Variants in NUMB observed in about 807,000 individuals in gnomAD.
NUMB encodes the protein protein numb homolog.
NUMB carries 29 observed loss-of-function variants against 59.7 expected under a neutral mutation model. That is an observed-to-expected ratio of 0.49 (90% confidence interval 0.36 to 0.66). The LOEUF (loss-of-function observed/expected upper bound fraction) is 0.66, where lower values mean the gene tolerates loss of function less well. Ranked by LOEUF, NUMB falls within the 30% of genes least tolerant of loss-of-function variation. NUMB has a pLI of 0.00. For synonymous variants in NUMB, 288 were observed against 288.2 expected (o/e 1.00, Z 0.01); for missense variants, 723 against 822.0 (o/e 0.88, Z 1.47).
intron 1 of NUMB, among the ~76,000 whole-genome samples, chr14:73,436,945 C>T (rs1898079827): frequency 6.6e-6 from 1 of 150,988 alleles, no homozygotes; most frequent in South Asian, 2.1e-4. Flanking sequence ...TATCACTGCA[C>T]TCCAGCCTGG....
chr14:73,376,228 TAA>T (rs1894937391), intron 2 of NUMB, among the ~76,000 whole-genome samples: 1 of 152,140 alleles, frequency 6.6e-6, no homozygotes, highest in African/African-American at 2.4e-5. Context: ...GGTTAATATA[TAA>T]AAGTCAATCA....
At chr14:73,365,265 T>G (rs1894286778) in intron 3 of NUMB, among the ~76,000 whole-genome samples, 1 of 152,172 alleles carries the variant, frequency 6.6e-6, no homozygotes, top group East Asian at 1.9e-4. Context: ...GGTCTTGAAC[T>G]CCTGGCCTCA....
intron 4 of NUMB, among the ~76,000 whole-genome samples, chr14:73,339,374 T>C (rs921212547): frequency 2.6e-5 from 4 of 152,170 alleles, no homozygotes; most frequent in Non-Finnish European, 4.4e-5. Flanking sequence ...ACTGGCCTCC[T>C]TGCTGTGCTT....
chr14:73,330,673 A>G (rs2139946069), intron 4 of NUMB, among the ~76,000 whole-genome samples: 1 of 152,340 alleles, frequency 6.6e-6, no homozygotes, highest in South Asian at 2.1e-4. Flanking sequence ...AGCAAATACT[A>G]TATATGTCTT....
At position 73,371,586 on chromosome 14, in the gene NUMB, G is replaced by A. The variant is rs377482133; in HGVS notation, c.-100-4605C>T. ...CAGTCCATATTGAAATATGTTCTTA[G>A]TTATGTGTGTTAATTGTTACAGGGT... On this transcript the variant is annotated intron_variant, in intron 2 of 12. Coordinates refer to ENST00000555238, the MANE Select transcript of NUMB (RefSeq NM_001005743.2). Among the ~76,000 whole-genome samples the A allele has an allele frequency of 9.9e-5, 15 of 152,138 alleles. No homozygotes were observed. In the South Asian group the frequency reaches 2.9e-3, roughly 29 times the overall value.
At chr14:73,311,429 T>C (rs1294573718) in intron 6 of NUMB, among the ~76,000 whole-genome samples, 1 of 152,174 alleles carries the variant, frequency 6.6e-6, no homozygotes, top group Non-Finnish European at 1.5e-5. Flanking sequence ...TTTACAATGT[T>C]TGTAAGCTTA....
chr14:73,308,250 G>A (rs958561008), intron 6 of NUMB, among the ~76,000 whole-genome samples: 1 of 152,130 alleles, frequency 6.6e-6, no homozygotes, highest in African/African-American at 2.4e-5. Context: ...TGATGGAGTG[G>A]ATGTAGGGTA....
chr14:73,359,197 T>C (rs751606648), intron 3 of NUMB, among the ~76,000 whole-genome samples: 15 of 152,338 alleles, frequency 9.8e-5, no homozygotes, highest in Middle Eastern at 3.4e-3. Flanking sequence ...GCTTACTATT[T>C]CTTAATGAAT....
At chr14:73,398,926 T>C (rs1011464802) in intron 2 of NUMB, among the ~76,000 whole-genome samples, 1 of 152,174 alleles carries the variant, frequency 6.6e-6, no homozygotes, top group African/African-American at 2.4e-5. Context: ...ATAGGATATA[T>C]GCATAAGGAT....
intron 1 of NUMB, among the ~76,000 whole-genome samples, chr14:73,412,059 G>A (rs1273615373): frequency 6.6e-6 from 1 of 150,636 alleles, no homozygotes; most frequent in Admixed American, 6.7e-5. Flanking sequence ...CAAGTAGCTA[G>A]GACTACAGAT....
At chr14:73,424,079 C>T (rs767140784) in intron 1 of NUMB, among the ~76,000 whole-genome samples, 11 of 151,000 alleles carry the variant, frequency 7.3e-5, no homozygotes, top group Non-Finnish European at 1.3e-4. Flanking sequence ...CAAAAGTAAT[C>T]ATGGTTTTTG....
At chr14:73,398,337 G>C (rs1192534135) in intron 2 of NUMB, among the ~76,000 whole-genome samples, 2 of 151,754 alleles carry the variant, frequency 1.3e-5, no homozygotes, top group African/African-American at 2.4e-5. Flanking sequence ...TAAGAAAACT[G>C]TGTATATAAT....
rs556017150 is a variant in NUMB, at chr14:73,449,484, T to C, written c.-233+9009A>G. ...TTGTATTGTTTTATTTTTTATTGGGTTTTCTTTCCAAATATTTTCTATCAA... is the reference window on the plus strand; with the variant it reads ...TTGTATTGTTTTATTTTTTATTGGGCTTTCTTTCCAAATATTTTCTATCAA... On this transcript the variant is annotated intron_variant, in intron 1 of 12. Transcript: ENST00000555238. Among the ~76,000 whole-genome samples, 6 of 152,254 alleles carry C rather than the reference T, an allele frequency of 3.9e-5. No homozygotes were observed. In the South Asian group the frequency reaches 8.3e-4, roughly 21 times the overall value.
At chr14:73,445,944 C>CA (rs983887394) in intron 1 of NUMB, among the ~76,000 whole-genome samples, 2 of 149,908 alleles carry the variant, frequency 1.3e-5, no homozygotes, top group Non-Finnish European at 3.0e-5. Flanking sequence ...GTCCTGACTG[C>CA]AAAAAATTAA....
At chr14:73,317,630 C>G (rs1301285226) in intron 5 of NUMB, among the ~76,000 whole-genome samples, 2 of 152,152 alleles carry the variant, frequency 1.3e-5, no homozygotes, top group Non-Finnish European at 2.9e-5. Flanking sequence ...AATAAAGAAA[C>G]TTGCATTGAC....
intron 8 of NUMB, among the ~76,000 whole-genome samples, chr14:73,287,894 T>A (rs553996370): frequency 6.6e-6 from 1 of 152,206 alleles, no homozygotes; most frequent in Non-Finnish European, 1.5e-5. Flanking sequence ...GGCTCTGTCA[T>A]GTCAGCCCTG....
Position 73,440,268 on chromosome 14 carries a change from T to G in NUMB, c.-233+18225A>C, listed in dbSNP as rs904634490. 1.3e-5 allele frequency among the ~76,000 whole-genome samples: 2 copies of G among 150,764 alleles called. 1 individual carries two copies. The highest frequency in any genetic ancestry group is 3.0e-5 in the Non-Finnish European group (2 of 67,764). ...ATATACATCCATATATCTATAGATA[T>G]CCATATATATATACACATCCATATA... On this transcript the variant is annotated intron_variant, in intron 1 of 12. Coordinates refer to ENST00000555238, the MANE Select transcript of NUMB (RefSeq NM_001005743.2).
chr14:73,412,311 G>A (rs1566785976), intron 1 of NUMB, among the ~76,000 whole-genome samples: 1 of 151,998 alleles, frequency 6.6e-6, no homozygotes, highest in Admixed American at 6.6e-5. Flanking sequence ...TAACTCTCAT[G>A]AAATTGACTA....
At chr14:73,323,317 T>C in intron 4 of NUMB, 113 bp from the exon 5 acceptor site, 1 of 651,576 alleles carries the variant, frequency 1.5e-6, no homozygotes, top group Non-Finnish European at 2.6e-6. Flanking sequence ...CTGAAAAAAT[T>C]TGAAATCTGA....
Sources: gnomAD v4.1 joint callset for allele counts (sites outside exome capture counted in the v4.1 genomes callset) on GRCh38, gnomAD v4.1.1 for gene constraint, MANE v1.5 for transcripts, NCBI Gene and HGNC (gene_info 2026-07-23, HGNC 2026-07-21) for gene names.